BRINP3: variants seen among roughly 807,000 people sequenced by gnomAD.
The protein encoded by BRINP3 is BMP/retinoic acid inducible neural specific 3, also known as BMP/retinoic acid-inducible neural-specific protein 3.
Under a neutral mutation model 71.0 loss-of-function variants are expected in BRINP3, and 19 were observed. The ratio of observed to expected loss-of-function variants is 0.27; its 90% CI spans 0.19 to 0.39. The LOEUF is 0.39. Ranked by LOEUF, BRINP3 falls within the 10% of genes least tolerant of loss-of-function variation. The pLI is 1.00. For missense variants in BRINP3, 959 were observed against 940.8 expected (o/e 1.02, Z -0.25); for synonymous variants, 380 against 337.7 (o/e 1.13, Z -1.37).
intron 2 of BRINP3, among the ~76,000 whole-genome samples, chr1:190,302,174 A>G: frequency 6.7e-6 from 1 of 150,064 alleles, no homozygotes; most frequent in East Asian, 1.9e-4. Context: ...CCCAAAGACC[A>G]CAGTGTATGT....
chr1:190,136,190 T>C (rs1279324569), intron 7 of BRINP3, among the ~76,000 whole-genome samples: 2 of 152,138 alleles, frequency 1.3e-5, no homozygotes, highest in Non-Finnish European at 1.5e-5. Flanking sequence ...ATCTCCAGAA[T>C]ATAATATATT....
At chr1:190,388,459 G>A (rs1232711585) in intron 2 of BRINP3, among the ~76,000 whole-genome samples, 3 of 151,744 alleles carry the variant, frequency 2.0e-5, no homozygotes, top group African/African-American at 4.8e-5. Flanking sequence ...ATAAAAATAG[G>A]AAAATTTGGA....
chr1:190,396,972 A>G (rs1163252202), intron 2 of BRINP3, among the ~76,000 whole-genome samples: 2 of 151,684 alleles, frequency 1.3e-5, no homozygotes, highest in African/African-American at 4.8e-5. Flanking sequence ...ATGTCTCTTC[A>G]AGACAAAGGG....
At chr1:190,162,262 T>C (rs1388061622) in intron 6 of BRINP3, among the ~76,000 whole-genome samples, 2 of 151,162 alleles carry the variant, frequency 1.3e-5, no homozygotes, top group Non-Finnish European at 3.0e-5. Context: ...GCCATCTCGG[T>C]TCACTGCAAC....
chr1:190,419,788 A>T (rs1306241241), intron 2 of BRINP3, among the ~76,000 whole-genome samples: 1 of 151,864 alleles, frequency 6.6e-6, no homozygotes, highest in Non-Finnish European at 1.5e-5. Context: ...AATAGTCACA[A>T]ATACACAGAA....
In BRINP3 at chr1:190,097,761, T is replaced by G; in HGVS notation, c.*257A>C. 2.7e-6 allele frequency: 1 copy of G among 376,644 alleles called. No homozygotes were observed. The highest frequency in any genetic ancestry group is 4.8e-6 in the Non-Finnish European group (1 of 210,044). 23.3% of individuals were successfully genotyped at this position (376,644 alleles called of 1,614,324 possible). ...AGCATTGCCACGGAACATATAAAAT[T>G]ACAAATGAAATTTATTGTAAAAAGT... On this transcript the variant is annotated 3_prime_UTR_variant, in exon 8 of 8. Coordinates refer to ENST00000367462, the MANE Select transcript of BRINP3 (RefSeq NM_199051.3).
At chr1:190,377,626 A>T (rs917750740) in intron 2 of BRINP3, among the ~76,000 whole-genome samples, 1 of 149,800 alleles carries the variant, frequency 6.7e-6, no homozygotes, top group Non-Finnish European at 1.5e-5. Context: ...GAAAGAACAC[A>T]CACACACACA....
chr1:190,424,980 T>G (rs755468969), intron 2 of BRINP3, among the ~76,000 whole-genome samples: 4 of 150,880 alleles, frequency 2.7e-5, no homozygotes, highest in Admixed American at 6.6e-5. Context: ...GGAAGATGAA[T>G]AAGAGGAAAA....
chr1:190,477,004 G>T (rs1677544934), intron 1 of BRINP3, among the ~76,000 whole-genome samples: 1 of 152,166 alleles, frequency 6.6e-6, no homozygotes, highest in African/African-American at 2.4e-5. Context: ...ATGAACAAAT[G>T]CTGACCTGAA....
intron 4 of BRINP3, among the ~76,000 whole-genome samples, chr1:190,250,659 G>T (rs1660047982): frequency 6.6e-6 from 1 of 151,938 alleles, no homozygotes; most frequent in African/African-American, 2.4e-5. Flanking sequence ...GTACTGAGCA[G>T]CTCTGTAGTA....
chr1:190,303,969 C>T (rs1468162146), intron 2 of BRINP3, among the ~76,000 whole-genome samples: 2 of 151,438 alleles, frequency 1.3e-5, no homozygotes, highest in Non-Finnish European at 3.0e-5. Context: ...TTCAAATTGC[C>T]ATTCATATAA....
chr1:190,224,376 C>T (rs1047804732), intron 6 of BRINP3, among the ~76,000 whole-genome samples: 7 of 151,576 alleles, frequency 4.6e-5, no homozygotes, highest in Admixed American at 3.3e-4. Context: ...ACTACACATA[C>T]GTTGGGGAAA....
At chr1:190,310,876 C>T (rs1001865785) in intron 2 of BRINP3, among the ~76,000 whole-genome samples, 1 of 151,626 alleles carries the variant, frequency 6.6e-6, no homozygotes, top group Non-Finnish European at 1.5e-5. Context: ...TAGATTAGCC[C>T]ATGATGCATA....
chr1:190,395,612 A>G (rs1419132727), intron 2 of BRINP3, among the ~76,000 whole-genome samples: 1 of 151,778 alleles, frequency 6.6e-6, no homozygotes, highest in African/African-American at 2.4e-5. Flanking sequence ...TAAATTAAGA[A>G]ACATAAATCT....
In BRINP3 at chr1:190,416,035, T is replaced by G. The variant is rs143557864; in HGVS notation, c.236+38620A>C. ...CAGCCACATTCAATATGTTCCTAAG[T>G]TAAAATACATTTTGGTCCCCCTTGA... On this transcript the variant is annotated intron_variant, in intron 2 of 7. Coordinates refer to ENST00000367462, the MANE Select transcript of BRINP3 (RefSeq NM_199051.3). Among the ~76,000 whole-genome samples the G allele has an allele frequency of 4.5e-3, 681 of 152,294 alleles. 7 individuals are homozygous for G. Among genetic ancestry groups the G allele is most frequent in the African/African-American group, 0.014 (602 of 41,562 alleles).
chr1:190,413,735 C>A (rs184257757), intron 2 of BRINP3, among the ~76,000 whole-genome samples: 225 of 152,160 alleles, frequency 1.5e-3, no homozygotes, highest in African/African-American at 4.9e-3. Context: ...GAATATATTT[C>A]TATTATTTTA....
chr1:190,164,421 G>A (rs900557876), intron 6 of BRINP3, among the ~76,000 whole-genome samples: 2 of 152,098 alleles, frequency 1.3e-5, no homozygotes, highest in Admixed American at 1.3e-4. Flanking sequence ...TGGATAGGGA[G>A]TATTGAAAGA....
At chr1:190,345,368 C>T (rs1667948088) in intron 2 of BRINP3, among the ~76,000 whole-genome samples, 1 of 151,612 alleles carries the variant, frequency 6.6e-6, no homozygotes, top group African/African-American at 2.4e-5. Context: ...AGCTCAGAAT[C>T]GAAATAAAAC....
chr1:190,271,188 T>C (rs1419866744), intron 3 of BRINP3, among the ~76,000 whole-genome samples: 1 of 151,626 alleles, frequency 6.6e-6, no homozygotes, highest in Non-Finnish European at 1.5e-5. Flanking sequence ...ATAGAAGGCA[T>C]TCTTTCACTG....
Sources: allele counts gnomAD v4.1 joint callset (sites outside exome capture counted in the v4.1 genomes callset), GRCh38; gene constraint gnomAD v4.1.1; transcripts MANE v1.5; gene names NCBI Gene and HGNC (gene_info 2026-07-23, HGNC 2026-07-21).